EDAR: variants seen among roughly 807,000 people sequenced by gnomAD.
EDAR encodes the protein ectodysplasin A receptor.
Under a neutral mutation model 51.3 loss-of-function variants are expected in EDAR, and 38 were observed. That is an observed-to-expected ratio of 0.74 (90% CI 0.57 to 0.97). The LOEUF (loss-of-function observed/expected upper bound fraction) is 0.97, where lower values mean the gene tolerates loss of function less well. Among genes scored for constraint, EDAR ranks in the 50% least tolerant of loss-of-function variants. The pLI is 0.00. For synonymous variants in EDAR, 227 were observed against 242.1 expected, an observed-to-expected ratio of 0.94 and a Z score of 0.58; for missense variants, 528 against 595.0, an observed-to-expected ratio of 0.89 and a Z score of 1.17.
chr2:108,913,218 G>T (rs950902857), intron 5 of EDAR, among the ~76,000 whole-genome samples: 1 of 151,964 alleles, frequency 6.6e-6, no homozygotes, highest in Non-Finnish European at 1.5e-5. Flanking sequence ...CAAAGTGCTG[G>T]GATTACAGGC....
chr2:108,986,099 C>G (rs1488434409), intron 1 of EDAR, among the ~76,000 whole-genome samples: 1 of 152,136 alleles, frequency 6.6e-6, no homozygotes, highest in East Asian at 1.9e-4. Flanking sequence ...TAAATATGGT[C>G]AAGCTCATTT....
chr2:108,943,046 A>G (rs142867911), intron 1 of EDAR, among the ~76,000 whole-genome samples: 1 of 152,334 alleles, frequency 6.6e-6, no homozygotes, highest in Non-Finnish European at 1.5e-5. Context: ...AATAACCATT[A>G]CATGTCCCTT....
chr2:108,904,461 G>A (rs1696764939), intron 11 of EDAR, among the ~76,000 whole-genome samples: 1 of 152,186 alleles, frequency 6.6e-6, no homozygotes. Flanking sequence ...GTACTCCTGG[G>A]TCTTTATCCC....
intron 1 of EDAR, among the ~76,000 whole-genome samples, chr2:108,937,638 TTG>T (rs1697500871): frequency 6.6e-6 from 1 of 151,792 alleles, no homozygotes; most frequent in Middle Eastern, 3.4e-3. Context: ...ATGTTTATGT[TTG>T]TGTGTGTATA....
chr2:108,945,306 T>C (rs1558824872), intron 1 of EDAR, among the ~76,000 whole-genome samples: 1 of 152,164 alleles, frequency 6.6e-6, no homozygotes, highest in Non-Finnish European at 1.5e-5. Context: ...AGGTGTTTCA[T>C]TACACATTTC....
At position 108,915,206 on chromosome 2, in the gene EDAR, G is replaced by T. The variant is rs1245017605; in HGVS notation, c.443-2442C>A. ...GGTGTGAGCCTGTAATCCATGCCTG[G>T]GCTGGCTGTTTTCTTTAGTAGGAAG... On this transcript the variant is annotated intron_variant, in intron 5 of 11. Coordinates refer to ENST00000258443, the MANE Select transcript of EDAR (RefSeq NM_022336.4). 2.6e-5 allele frequency among the ~76,000 whole-genome samples: 4 copies of T among 152,304 alleles called. 1 individual carries two copies. In the South Asian group the frequency reaches 6.2e-4, roughly 24 times the overall value.
chr2:108,921,299 C>T (rs1424877425), intron 5 of EDAR, among the ~76,000 whole-genome samples: 2 of 152,164 alleles, frequency 1.3e-5, no homozygotes. Context: ...CCTGCAGCTG[C>T]GACCCATTGT....
At chr2:108,913,496 T>A (rs1374220929) in intron 5 of EDAR, among the ~76,000 whole-genome samples, 1 of 152,142 alleles carries the variant, frequency 6.6e-6, no homozygotes, top group Non-Finnish European at 1.5e-5. Context: ...GTCATAAAAG[T>A]AATATATGCT....
At chr2:108,920,146 G>A (rs1396923487) in intron 5 of EDAR, among the ~76,000 whole-genome samples, 9 of 152,220 alleles carry the variant, frequency 5.9e-5, no homozygotes, top group African/African-American at 1.4e-4. Context: ...GCCAGCTCAC[G>A]TGCCGTGGAG....
chr2:108,947,344 G>A (rs1056411602), intron 1 of EDAR, among the ~76,000 whole-genome samples: 9 of 152,148 alleles, frequency 5.9e-5, no homozygotes, highest in Non-Finnish European at 1.3e-4. Context: ...CAAGTGCATG[G>A]TGCAAGCTGT....
At chr2:108,966,803 T>C (rs1698157262) in intron 1 of EDAR, among the ~76,000 whole-genome samples, 1 of 152,204 alleles carries the variant, frequency 6.6e-6, no homozygotes, top group African/African-American at 2.4e-5. Context: ...GAGGATTGAT[T>C]GCCTGGGGAC....
intron 1 of EDAR, among the ~76,000 whole-genome samples, chr2:108,954,359 C>T (rs1403293849): frequency 1.3e-5 from 2 of 152,290 alleles, no homozygotes; most frequent in Non-Finnish European, 1.5e-5. Flanking sequence ...ATTTGAATAG[C>T]TCATTACTTA....
chr2:108,940,737 C>G (rs781164667), intron 1 of EDAR, among the ~76,000 whole-genome samples: 2 of 152,236 alleles, frequency 1.3e-5, no homozygotes, highest in Non-Finnish European at 2.9e-5. Context: ...GGCAGGCTTC[C>G]AGGGGCAACA....
intron 7 of EDAR, 32 bp downstream of exon 7, chr2:108,910,915 G>A (rs1274304881): frequency 1.2e-6 from 2 of 1,613,968 alleles, no homozygotes; most frequent in East Asian, 2.2e-5. Flanking sequence ...GAGAGTCCAG[G>A]AAGCAGGGCA....
chr2:108,921,821 C>T (rs961721235), intron 5 of EDAR, among the ~76,000 whole-genome samples: 6 of 152,346 alleles, frequency 3.9e-5, no homozygotes, highest in South Asian at 4.1e-4. Context: ...ATGGGCAAGC[C>T]GAGGTCTGGG....
intron 1 of EDAR, among the ~76,000 whole-genome samples, chr2:108,962,241 C>T (rs1218027946): frequency 6.6e-6 from 1 of 152,192 alleles, no homozygotes; most frequent in Non-Finnish European, 1.5e-5. Flanking sequence ...GCCTTTCACA[C>T]ATGTGAACCA....
At chr2:108,967,751 T>C (rs990947755) in intron 1 of EDAR, among the ~76,000 whole-genome samples, 2 of 152,218 alleles carry the variant, frequency 1.3e-5, no homozygotes, top group African/African-American at 2.4e-5. Flanking sequence ...TGGGAAAAAC[T>C]AGACGGTGGA....
intron 9 of EDAR, 116 bp from the exon 10 acceptor site, chr2:108,908,135 T>C (rs1055270239): frequency 1.6e-6 from 2 of 1,222,662 alleles, no homozygotes; most frequent in African/African-American, 3.1e-5. Context: ...GGCAATGACT[T>C]GTTTTTCAGG....
chr2:108,967,499 T>G (rs1698167305), intron 1 of EDAR, among the ~76,000 whole-genome samples: 1 of 152,112 alleles, frequency 6.6e-6, no homozygotes, highest in Non-Finnish European at 1.5e-5. Flanking sequence ...CTTGTCTTTT[T>G]ATCCTTTTTT....
Sources: allele counts gnomAD v4.1 joint callset (sites outside exome capture counted in the v4.1 genomes callset), GRCh38; gene constraint gnomAD v4.1.1; transcripts MANE v1.5; gene names NCBI Gene and HGNC (gene_info 2026-07-23, HGNC 2026-07-21).